The following KSR2 variants were observed in gnomAD, a reference collection of about 807,000 sequenced individuals.
The protein encoded by KSR2 is kinase suppressor of ras 2.
Under a neutral mutation model 107.8 loss-of-function variants are expected in KSR2, and 25 were observed. The observed-to-expected ratio is 0.23, with a 90% CI of 0.17 to 0.32. The LOEUF is 0.32. KSR2 is among the 10% of genes least tolerant of loss of function. The pLI is 1.00. For synonymous variants in KSR2, 480 were observed against 507.0 expected (o/e 0.95, Z 0.71); for missense variants, 887 against 1,268.9 (o/e 0.70, Z 4.57).
In KSR2 at chr12:117,589,223, C is replaced by T. The variant is rs539492053; in HGVS notation, c.1172-6864G>A. 4.6e-5 allele frequency among the ~76,000 whole-genome samples: 7 copies of T among 152,268 alleles called. No individual in the cohort carries two copies. In the South Asian group the frequency reaches 6.2e-4, roughly 14 times the overall value. On this transcript the variant is annotated intron_variant, in intron 5 of 19. Transcript: ENST00000339824. ...AAATAGTTTATTGCAGTCTTTGAAT[C>T]GCTAAACCCTGTTGGATAAATAAGG...
chr12:117,671,198 T>C (rs1884891195), intron 4 of KSR2, among the ~76,000 whole-genome samples: 2 of 152,196 alleles, frequency 1.3e-5, no homozygotes, highest in African/African-American at 2.4e-5. Flanking sequence ...CAGGAAGTCT[T>C]CCTTGATATC....
At chr12:117,947,514 A>G (rs762578719) in intron 1 of KSR2, among the ~76,000 whole-genome samples, 1 of 152,116 alleles carries the variant, frequency 6.6e-6, no homozygotes, top group Non-Finnish European at 1.5e-5. Flanking sequence ...TACTCCCACT[A>G]TTCCCATCCA....
At chr12:117,929,929 G>A (rs1025880474) in intron 1 of KSR2, among the ~76,000 whole-genome samples, 1 of 152,202 alleles carries the variant, frequency 6.6e-6, no homozygotes, top group African/African-American at 2.4e-5. Context: ...TTTTGGTGAT[G>A]ATGTGGCAAG....
chr12:117,858,239 T>C (rs1477710975), intron 2 of KSR2, among the ~76,000 whole-genome samples: 1 of 152,180 alleles, frequency 6.6e-6, no homozygotes, highest in Non-Finnish European at 1.5e-5. Flanking sequence ...TCGAATCGTT[T>C]CTACCTTATT....
intron 1 of KSR2, among the ~76,000 whole-genome samples, chr12:117,913,922 T>A (rs1368806646): frequency 6.6e-6 from 1 of 152,102 alleles, no homozygotes; most frequent in East Asian, 1.9e-4. Flanking sequence ...GAATCCAGCA[T>A]CCAACACACC....
chr12:117,903,416 G>T (rs993475035), intron 1 of KSR2, among the ~76,000 whole-genome samples: 1 of 152,160 alleles, frequency 6.6e-6, no homozygotes, highest in Non-Finnish European at 1.5e-5. Context: ...TTTGATTTTT[G>T]AATAAACAAA....
At chr12:117,830,900 G>T (rs1891937608) in intron 3 of KSR2, among the ~76,000 whole-genome samples, 1 of 152,116 alleles carries the variant, frequency 6.6e-6, no homozygotes, top group Non-Finnish European at 1.5e-5. Flanking sequence ...CCTTGAGAAA[G>T]AAGGAAAACA....
intron 1 of KSR2, among the ~76,000 whole-genome samples, chr12:117,961,337 A>G (rs936168609): frequency 1.3e-5 from 2 of 151,834 alleles, no homozygotes; most frequent in African/African-American, 2.4e-5. Context: ...AACCAAGAAC[A>G]CCCTCCTTGG....
chr12:117,692,543 C>CACGT (rs1316562272), intron 4 of KSR2, among the ~76,000 whole-genome samples: 3 of 127,236 alleles, frequency 2.4e-5, no homozygotes, highest in Non-Finnish European at 3.3e-5. Flanking sequence ...CATATATATA[C>CACGT]ACATACATAT....
At chr12:117,584,964 C>T (rs918786686) in intron 5 of KSR2, among the ~76,000 whole-genome samples, 11 of 152,298 alleles carry the variant, frequency 7.2e-5, no homozygotes, top group Non-Finnish European at 1.0e-4. Flanking sequence ...CAGGAGCCCC[C>T]GCACCCCCGT....
At chr12:117,767,679 G>T (rs915241583) in intron 3 of KSR2, among the ~76,000 whole-genome samples, 3 of 150,000 alleles carry the variant, frequency 2.0e-5, no homozygotes, top group Non-Finnish European at 4.4e-5. Flanking sequence ...CAGCTACTCG[G>T]GAGGCTGAGG....
chr12:117,930,067 CAG>C (rs1397852030), intron 1 of KSR2, among the ~76,000 whole-genome samples: 2 of 151,362 alleles, frequency 1.3e-5, no homozygotes, highest in Non-Finnish European at 2.9e-5. Context: ...TTTTTTGAGA[CAG>C]AGTCTCACTC....
chr12:117,472,698 G>A lies in KSR2; in HGVS notation c.2583-1378C>T, dbSNP rs531906666. 7.2e-5 allele frequency among the ~76,000 whole-genome samples: 11 copies of A among 152,242 alleles called. No individual in the cohort carries two copies. The South Asian group carries it at 8.3e-4, about 11-fold the overall frequency. ...AAGGGGTGGTGATGCTCAGGTGTTCGGATGTCAAGTTAGATGATCAGAAAG... is the reference window on the plus strand; with the variant it reads ...AAGGGGTGGTGATGCTCAGGTGTTCAGATGTCAAGTTAGATGATCAGAAAG... On this transcript the variant is annotated intron_variant, in intron 17 of 19. Coordinates refer to ENST00000339824, the MANE Select transcript of KSR2 (RefSeq NM_173598.6).
intron 1 of KSR2, among the ~76,000 whole-genome samples, chr12:117,956,524 C>T (rs1315297202): frequency 6.7e-6 from 1 of 148,162 alleles, no homozygotes; most frequent in Non-Finnish European, 1.5e-5. Flanking sequence ...GCCATGATTG[C>T]ACCACCGCAT....
intron 3 of KSR2, among the ~76,000 whole-genome samples, chr12:117,829,645 A>G (rs535629387): frequency 6.6e-6 from 1 of 152,318 alleles, no homozygotes; most frequent in East Asian, 1.9e-4. Context: ...GAGGTCTACA[A>G]ACATTTTCTA....
At chr12:117,662,861 T>C (rs140610849) in intron 5 of KSR2, among the ~76,000 whole-genome samples, 73 of 152,328 alleles carry the variant, frequency 4.8e-4, no homozygotes, top group African/African-American at 1.6e-3. Context: ...AAAATTACTA[T>C]GTCATTCCTC....
intron 3 of KSR2, among the ~76,000 whole-genome samples, chr12:117,831,115 C>A (rs538420695): frequency 6.6e-6 from 1 of 152,274 alleles, no homozygotes; most frequent in East Asian, 1.9e-4. Flanking sequence ...TATCAATATG[C>A]CCTTGCCGCT....
At chr12:117,576,345 T>C (rs1879285149) in intron 7 of KSR2, among the ~76,000 whole-genome samples, 1 of 152,100 alleles carries the variant, frequency 6.6e-6, no homozygotes, top group African/African-American at 2.4e-5. Context: ...ATGGAGAAAA[T>C]CAGTCAGCCT....
At chr12:117,561,999 T>C (rs1278814765) in intron 7 of KSR2, among the ~76,000 whole-genome samples, 4 of 152,096 alleles carry the variant, frequency 2.6e-5, no homozygotes, top group African/African-American at 9.7e-5. Flanking sequence ...ATGATAAATG[T>C]ATAAGCAGAT....
Sources: gnomAD v4.1 joint callset for allele counts (sites outside exome capture counted in the v4.1 genomes callset) on GRCh38, gnomAD v4.1.1 for gene constraint, MANE v1.5 for transcripts, NCBI Gene and HGNC (gene_info 2026-07-23, HGNC 2026-07-21) for gene names.